Variants in MARK4 observed in about 807,000 individuals in gnomAD.
The protein encoded by MARK4 is microtubule affinity regulating kinase 4, also known as MAP/microtubule affinity-regulating kinase 4.
Under a neutral mutation model 81.5 loss-of-function variants are expected in MARK4, and 19 were observed. The ratio of observed to expected loss-of-function variants is 0.23; its 90% CI spans 0.16 to 0.34. MARK4 has a LOEUF of 0.34. Among genes scored for constraint, MARK4 ranks in the 10% least tolerant of loss-of-function variants. The probability of loss-of-function intolerance (pLI) is 1.00; values close to 1 mark genes in which losing one functional copy is unlikely to be tolerated. For missense variants in MARK4, 772 were observed against 1,058.8 expected (o/e 0.73, Z 3.76); for synonymous variants, 436 against 439.0 (o/e 0.99, Z 0.08).
chr19:45,275,837 G>A (rs1209641320), intron 8 of MARK4, among the ~76,000 whole-genome samples: 1 of 152,224 alleles, frequency 6.6e-6, no homozygotes. Context: ...TGCCTGCTAA[G>A]GGGTAAGTGT....
chr19:45,297,684 C>T lies in MARK4; in HGVS notation c.1607C>T (p.Thr536Ile). 1 of 1,526,852 alleles carries T rather than the reference C, an allele frequency of 6.5e-7. No homozygotes were observed. The highest frequency in any genetic ancestry group is 1.3e-5 in the South Asian group (1 of 75,926). 94.6% of individuals were successfully genotyped at this position (1,526,852 alleles called of 1,614,324 possible). Reference sequence around the variant, plus strand: ...TCTGTCTCTGCCCACAGCTCAGGCACCCCACGGGTGCCCCCTGCCTCCCCC... The same window carrying T: ...TCTGTCTCTGCCCACAGCTCAGGCATCCCACGGGTGCCCCCTGCCTCCCCC... ...LPNGKENSSG[T>I]PRVPPASPSS... The change falls in exon 15 of 17, where the codon ACC (threonine) becomes ATC (isoleucine). Residue 536 changes from threonine (T) to isoleucine (I), a missense_variant. This residue lies in a region of MARK4 where 548 missense variants were observed against 624.3 expected (regional missense o/e 0.88). Coordinates refer to ENST00000262891, the MANE Select transcript of MARK4 (RefSeq NM_001199867.2).
At chr19:45,295,231 C>CACCT (rs1970871753) in intron 14 of MARK4, among the ~76,000 whole-genome samples, 1 of 151,474 alleles carries the variant, frequency 6.6e-6, no homozygotes, top group African/African-American at 2.4e-5. Context: ...CAGTGGTGGG[C>CACCT]ACCTGTAGTC....
chr19:45,255,715 G>A (rs1002428061), intron 1 of MARK4, among the ~76,000 whole-genome samples: 6 of 152,210 alleles, frequency 3.9e-5, no homozygotes, highest in South Asian at 2.1e-4. Flanking sequence ...GTTAGTTGTC[G>A]TTGCTATCAA....
intron 2 of MARK4, among the ~76,000 whole-genome samples, chr19:45,261,933 CA>C (rs11308460): frequency 0.29 from 40,271 of 140,168 alleles, 5,879 homozygotes; most frequent in South Asian, 0.37. Context: ...AACTCTGTCT[CA>C]AAAAAAAAAA....
intron 2 of MARK4, among the ~76,000 whole-genome samples, chr19:45,261,950 T>G (rs1237566777): frequency 6.6e-6 from 1 of 151,788 alleles, no homozygotes; most frequent in Non-Finnish European, 1.5e-5. Flanking sequence ...AAAAAAAGTT[T>G]CACTGCAAAA....
chr19:45,278,591 G>C lies in MARK4; in HGVS notation c.982G>C (p.Asp328His). ...ELKPYTEPEE[D>H]FGDTKRIEVM... ...GAAGCCATACACAGAGCCCGAGGAGGACTTCGGGGACACCAAGAGAATTGG... is the reference window on the plus strand; with the variant it reads ...GAAGCCATACACAGAGCCCGAGGAGCACTTCGGGGACACCAAGAGAATTGG... Residue 328 changes from aspartate (D) to histidine (H), a missense_variant, in exon 10 of 17, where the codon GAC (aspartate) becomes CAC (histidine). Asp to His is a moderately conservative substitution (Grantham distance 81, BLOSUM62 -1). Transcript: ENST00000262891. 1 of 1,613,712 alleles carries C rather than the reference G, an allele frequency of 6.2e-7. No individual in the cohort carries two copies. Among genetic ancestry groups the C allele is most frequent in the Non-Finnish European group, 8.5e-7 (1 of 1,179,822 alleles).
intron 4 of MARK4, among the ~76,000 whole-genome samples, chr19:45,263,941 A>G (rs771363436): frequency 1.3e-5 from 2 of 152,192 alleles, no homozygotes; most frequent in South Asian, 4.1e-4. Context: ...GGGCTGAGCT[A>G]TGGGACTTGG....
At chr19:45,264,812 C>G in intron 5 of MARK4, 28 bp from the exon 6 acceptor site, 1 of 1,614,134 alleles carries the variant, frequency 6.2e-7, no homozygotes, top group African/African-American at 1.3e-5. Flanking sequence ...GCACCTGACC[C>G]TGACCCCGCT....
At chr19:45,284,961 A>G (rs920773716) in intron 12 of MARK4, among the ~76,000 whole-genome samples, 9 of 152,008 alleles carry the variant, frequency 5.9e-5, no homozygotes, top group African/African-American at 1.9e-4. Context: ...TGTGGTGGTG[A>G]GCACCTGTAA....
intron 12 of MARK4, among the ~76,000 whole-genome samples, chr19:45,282,811 G>A (rs1199791314): frequency 4.0e-5 from 6 of 151,866 alleles, no homozygotes; most frequent in Non-Finnish European, 7.4e-5. Context: ...GCCACAGAGC[G>A]AGACTCCGCC....
chr19:45,251,801 C>T (rs1269605584), intron 1 of MARK4, among the ~76,000 whole-genome samples, 162 bp downstream of exon 1: 1 of 151,920 alleles, frequency 6.6e-6, no homozygotes, highest in African/African-American at 2.4e-5. Flanking sequence ...TCTCCACCCT[C>T]CCCACCTTTT....
rs1465796571 is a variant in MARK4 at position 45,305,204 on chromosome 19, T to C, written c.*2494T>C. On this transcript the variant is annotated 3_prime_UTR_variant, in exon 17 of 17. Coordinates refer to ENST00000262891, the MANE Select transcript of MARK4 (RefSeq NM_001199867.2). ...TTTGGCTGGCTCAGAAGGTCCCCAC[T>C]GGCGTGTGTGGTCTATGTAGCCTCT... 1 of 152,608 alleles carries C rather than the reference T, an allele frequency of 6.6e-6. No individual in the cohort carries two copies. Among genetic ancestry groups the C allele is most frequent in the African/African-American group, 2.4e-5 (1 of 41,428 alleles). The allele number at this position is 152,608 out of a possible 1,614,324, so 9.5% of individuals were successfully genotyped here.
chr19:45,252,011 A>C (rs1164637965), intron 1 of MARK4, among the ~76,000 whole-genome samples: 1 of 151,254 alleles, frequency 6.6e-6, no homozygotes, highest in Non-Finnish European at 1.5e-5. Context: ...CCGGATTTGC[A>C]GGGCCCCTGA....
intron 8 of MARK4, among the ~76,000 whole-genome samples, chr19:45,275,132 G>A (rs1300600641): frequency 6.6e-6 from 1 of 152,084 alleles, no homozygotes; most frequent in Non-Finnish European, 1.5e-5. Flanking sequence ...GTGGCGGCAC[G>A]TGCCTGTAGT....
chr19:45,265,565 G>T (rs905509914), intron 6 of MARK4, among the ~76,000 whole-genome samples: 1 of 150,652 alleles, frequency 6.6e-6, no homozygotes, highest in African/African-American at 2.4e-5. Context: ...GGGATAAGAA[G>T]AAGTGCAGGT....
chr19:45,274,920 A>G (rs1234032956), intron 8 of MARK4, among the ~76,000 whole-genome samples: 1 of 152,186 alleles, frequency 6.6e-6, no homozygotes, highest in Non-Finnish European at 1.5e-5. Flanking sequence ...GACCTTGGAC[A>G]TGTCCTTTTC....
At chr19:45,301,865 C>T (rs996942283) in intron 16 of MARK4, among the ~76,000 whole-genome samples, 2 of 124,136 alleles carry the variant, frequency 1.6e-5, no homozygotes, top group Non-Finnish European at 3.3e-5. Context: ...AACTCCGTCT[C>T]AAAAAAAAAA....
chr19:45,273,971 C>T (rs931557883), intron 8 of MARK4, among the ~76,000 whole-genome samples: 53 of 152,196 alleles, frequency 3.5e-4, no homozygotes, highest in Middle Eastern at 3.2e-3. Context: ...CCCTGTGGGC[C>T]GGGCGTGGTG....
chr19:45,251,965 C>T (rs1599773756), intron 1 of MARK4, among the ~76,000 whole-genome samples: 1 of 151,898 alleles, frequency 6.6e-6, no homozygotes, highest in African/African-American at 2.4e-5. Flanking sequence ...AGCCGTTTCC[C>T]CTCCAGGCCG....
Sources: allele counts gnomAD v4.1 joint callset (sites outside exome capture counted in the v4.1 genomes callset), GRCh38; gene constraint gnomAD v4.1.1; regional missense constraint gnomAD v4.1.1; transcripts MANE v1.5; gene names NCBI Gene and HGNC (gene_info 2026-07-23, HGNC 2026-07-21).